The following TEKT5 variants were observed in gnomAD, a reference collection of about 807,000 sequenced individuals.
TEKT5 encodes the protein tektin-5.
In TEKT5, 52 loss-of-function variants were observed where a neutral mutation model predicts 48.7. The observed-to-expected ratio is 1.07, with a 90% confidence interval of 0.86 to 1.35. The LOEUF (loss-of-function observed/expected upper bound fraction) is 1.35. TEKT5 is among the 40% of genes most tolerant of loss of function. TEKT5 has a pLI of 0.00. For missense variants in TEKT5, 831 were observed against 641.6 expected, an observed-to-expected ratio of 1.30 and a Z score of -3.19; for synonymous variants, 318 against 267.6, an observed-to-expected ratio of 1.19 and a Z score of -1.84.
intron 3 of TEKT5, 111 bp from the exon 4 acceptor site, chr16:10,682,247 TA>T (rs1480037876): frequency 7.7e-7 from 1 of 1,297,742 alleles, no homozygotes; most frequent in Non-Finnish European, 1.1e-6. Context: ...AGCCACCCAG[TA>T]GCTTCTCAGT....
chr16:10,649,778 C>A (rs1387369759), intron 5 of TEKT5, among the ~76,000 whole-genome samples: 1 of 152,134 alleles, frequency 6.6e-6, no homozygotes, highest in Non-Finnish European at 1.5e-5. Flanking sequence ...AATAGAAATA[C>A]AAAATCAGTA....
intron 5 of TEKT5, among the ~76,000 whole-genome samples, chr16:10,647,875 A>G (rs2541543): frequency 0.4 from 61,051 of 152,166 alleles, 15,349 homozygotes; most frequent in African/African-American, 0.71. Flanking sequence ...TGTTCTAGGC[A>G]GTGGATCCGA....
At chr16:10,647,841 G>A (rs933889436) in intron 5 of TEKT5, among the ~76,000 whole-genome samples, 8 of 152,198 alleles carry the variant, frequency 5.3e-5, no homozygotes, top group African/African-American at 1.9e-4. Flanking sequence ...AATGTTCGTT[G>A]AGCACCTACT....
intron 5 of TEKT5, among the ~76,000 whole-genome samples, chr16:10,642,443 A>G (rs374175046): frequency 9.9e-5 from 15 of 151,976 alleles, no homozygotes; most frequent in African/African-American, 3.1e-4. Context: ...TAAGCCTCTT[A>G]CCCTGCCCCA....
chr16:10,646,393 C>G (rs1410019802), intron 5 of TEKT5, among the ~76,000 whole-genome samples: 2 of 152,140 alleles, frequency 1.3e-5, no homozygotes, highest in African/African-American at 4.8e-5. Context: ...TAGGGGAAAA[C>G]TGATTACACA....
At position 10,676,018 on chromosome 16, in the gene TEKT5, T is replaced by C. The variant is rs1470853508; in HGVS notation, c.1027A>G (p.Asn343Asp). 3 of 1,614,118 alleles carry C rather than the reference T, an allele frequency of 1.9e-6. No individual in the cohort carries two copies. Among genetic ancestry groups the C allele is most frequent in the Non-Finnish European group, 1.7e-6 (2 of 1,180,052 alleles). ...TCCGTCACCTCAGAGATGCGGGCGT[T>C]GAAGGCCAGGTTGGTGTCTGTGAAC... ...RQFTDTNLAFNARISEVTDVK... is the reference protein window; with the variant it reads ...RQFTDTNLAFDARISEVTDVK... The change falls in exon 5 of 7, where the codon AAC becomes GAC. Residue 343 changes from asparagine (N) to aspartate (D), a missense_variant. Asn to Asp is a conservative substitution (Grantham distance 23, BLOSUM62 1). Coordinates refer to ENST00000283025, the MANE Select transcript of TEKT5 (RefSeq NM_144674.2).
chr16:10,679,350 G>A (rs754437991), intron 4 of TEKT5, among the ~76,000 whole-genome samples: 16 of 151,494 alleles, frequency 1.1e-4, no homozygotes, highest in Admixed American at 2.0e-4. Context: ...CCAGCTACTC[G>A]GGAGGCTGAG....
chr16:10,629,379 T>C (rs1397760953), intron 6 of TEKT5, among the ~76,000 whole-genome samples: 1 of 152,046 alleles, frequency 6.6e-6, no homozygotes, highest in Non-Finnish European at 1.5e-5. Context: ...GCGTCCCAAG[T>C]AGCTGGGATT....
intron 4 of TEKT5, among the ~76,000 whole-genome samples, chr16:10,681,306 G>C (rs542549263): frequency 6.6e-6 from 1 of 152,120 alleles, no homozygotes; most frequent in African/African-American, 2.4e-5. Flanking sequence ...AAGAAATGAA[G>C]TGACTTGCTC....
intron 3 of TEKT5, among the ~76,000 whole-genome samples, chr16:10,687,306 A>G (rs1033022504): frequency 6.6e-6 from 1 of 152,240 alleles, no homozygotes; most frequent in African/African-American, 2.4e-5. Context: ...TAATTTCAGA[A>G]CATCATGTTT....
At chr16:10,684,040 G>C (rs1171418406) in intron 3 of TEKT5, among the ~76,000 whole-genome samples, 1 of 152,136 alleles carries the variant, frequency 6.6e-6, no homozygotes, top group Non-Finnish European at 1.5e-5. Context: ...CTAAATCCTA[G>C]CTAGAATCTA....
intron 3 of TEKT5, among the ~76,000 whole-genome samples, chr16:10,685,151 A>T (rs991809823): frequency 2.0e-5 from 3 of 152,180 alleles, no homozygotes; most frequent in Non-Finnish European, 4.4e-5. Context: ...CTCGGCCTCC[A>T]GTCTCCACAA....
chr16:10,678,375 G>A (rs1357164075), intron 4 of TEKT5, among the ~76,000 whole-genome samples: 1 of 152,168 alleles, frequency 6.6e-6, no homozygotes, highest in Non-Finnish European at 1.5e-5. Flanking sequence ...GGAATTACGG[G>A]TCTGAGCCAC....
Position 10,627,819 on chromosome 16 carries a change from G to A in TEKT5, c.1242-20C>T. The A allele has an allele frequency of 6.2e-7, 1 of 1,603,612 alleles. No homozygotes were observed. On this transcript the variant is annotated intron_variant, in intron 6 of 6. Coordinates refer to ENST00000283025, the MANE Select transcript of TEKT5 (RefSeq NM_144674.2). ...ACCAGCCTGGGGTGAGGGCAGAGGA[G>A]AAGGCACAGGTTATTCATTTATTTT...
At chr16:10,673,764 C>T (rs113079285) in intron 5 of TEKT5, among the ~76,000 whole-genome samples, 2,888 of 151,414 alleles carry the variant, frequency 0.019, 92 homozygotes, top group African/African-American at 0.066. Context: ...GATTCTCCCG[C>T]CTCAGCCTCC....
intron 6 of TEKT5, among the ~76,000 whole-genome samples, chr16:10,630,256 G>C (rs1309416241): frequency 2.7e-5 from 4 of 148,180 alleles, no homozygotes; most frequent in Admixed American, 1.3e-4. Flanking sequence ...TTTTTTTTTA[G>C]ACCAGATCTC....
At chr16:10,681,722 G>A (rs1196719502) in intron 4 of TEKT5, among the ~76,000 whole-genome samples, 2 of 151,968 alleles carry the variant, frequency 1.3e-5, no homozygotes, top group Non-Finnish European at 2.9e-5. Context: ...AAAGATGAAG[G>A]CGCTCTGACC....
At chr16:10,690,672 C>T (rs1455291331) in intron 1 of TEKT5, 1 of 985,282 alleles carries the variant, frequency 1.0e-6, no homozygotes, top group African/African-American at 1.7e-5. Context: ...TCAGGACAAC[C>T]CTGCCACCTA....
intron 5 of TEKT5, among the ~76,000 whole-genome samples, chr16:10,646,293 A>G (rs1281347570): frequency 6.6e-6 from 1 of 152,188 alleles, no homozygotes; most frequent in Non-Finnish European, 1.5e-5. Context: ...ATTTTTAACC[A>G]GCTTCCCCCC....
Sources: gnomAD v4.1 joint callset for allele counts (sites outside exome capture counted in the v4.1 genomes callset) on GRCh38, gnomAD v4.1.1 for gene constraint, MANE v1.5 for transcripts, NCBI Gene and HGNC (gene_info 2026-07-23, HGNC 2026-07-21) for gene names.